KLRC3: variants seen among roughly 807,000 people sequenced by gnomAD.
KLRC3 encodes NKG2-E type II integral membrane protein.
In KLRC3, 16 loss-of-function variants were observed where a neutral mutation model predicts 23.6. The ratio of observed to expected loss-of-function variants is 0.68; its 90% CI spans 0.46 to 1.03. The LOEUF is 1.03. Among genes scored for constraint, KLRC3 ranks in the 50% least tolerant of loss-of-function variants. The pLI is 0.00. For missense variants in KLRC3, 209 were observed against 232.2 expected (o/e 0.90, Z 0.65); for synonymous variants, 70 against 71.8 (o/e 0.98, Z 0.13).
In KLRC3 at chr12:10,419,026, T is replaced by C. The variant is rs1863684559; in HGVS notation, c.331+18A>G. On this transcript the variant is annotated intron_variant, in intron 3 of 6. Transcript: ENST00000396439. ...TATAAATTGTACTAATATCAGAGCA[T>C]TGAAAATAAAAATGTACCTTTCTGG... 3 of 253,114 alleles carry C rather than the reference T, an allele frequency of 1.2e-5. No homozygotes were observed. The highest frequency in any genetic ancestry group is 1.0e-4 in the South Asian group (3 of 29,440). 15.7% of individuals were successfully genotyped at this position (253,114 alleles called of 1,614,324 possible). A position where few individuals can be genotyped will look rare whatever the true frequency, so the allele number is the denominator to read the frequency against.
chr12:10,418,100 T>C (rs1475569118), intron 4 of KLRC3, among the ~76,000 whole-genome samples: 3 of 152,244 alleles, frequency 2.0e-5, no homozygotes, highest in Non-Finnish European at 2.9e-5. Context: ...AATTAAATAG[T>C]AAAATTTATT....
Position 10,412,511 on chromosome 12 carries a change from C to T in KLRC3, c.*61G>A, listed in dbSNP as rs1041571876. ...TAAATGGTACATGAGCACTCAGGGGCGGTGGCTTGTGTCAGTAATCCCAGC... is the reference window on the plus strand; with the variant it reads ...TAAATGGTACATGAGCACTCAGGGGTGGTGGCTTGTGTCAGTAATCCCAGC... On this transcript the variant is annotated 3_prime_UTR_variant, in exon 7 of 7. Transcript: ENST00000396439. 2.1e-5 allele frequency: 15 copies of T among 701,306 alleles called. No homozygotes were observed. The highest frequency in any genetic ancestry group is 3.5e-5 in the African/African-American group (2 of 57,030). 43.4% of individuals were successfully genotyped at this position (701,306 alleles called of 1,614,324 possible).
chr12:10,417,995 A>G (rs1485962233), intron 4 of KLRC3, among the ~76,000 whole-genome samples: 3 of 152,224 alleles, frequency 2.0e-5, no homozygotes, highest in Non-Finnish European at 4.4e-5. Context: ...TGGAACTGCT[A>G]GAGCTGGAAA....
chr12:10,415,274 C>T (rs942459973), intron 6 of KLRC3, among the ~76,000 whole-genome samples: 1 of 152,170 alleles, frequency 6.6e-6, no homozygotes, highest in African/African-American at 2.4e-5. Context: ...TTACAACCAT[C>T]ACTGCTACTG....
At chr12:10,417,646 C>T (rs1257572424) in intron 4 of KLRC3, among the ~76,000 whole-genome samples, 1 of 80,084 alleles carries the variant, frequency 1.2e-5, no homozygotes, top group Non-Finnish European at 2.7e-5. Flanking sequence ...TGAGGAGGAT[C>T]AGGAAAGGGA....
In KLRC3 at chr12:10,412,515, G is replaced by T; in HGVS notation, c.*57C>A. On this transcript the variant is annotated 3_prime_UTR_variant, in exon 7 of 7. Coordinates refer to ENST00000396439, the MANE Select transcript of KLRC3 (RefSeq NM_002261.3). The stretch of plus-strand genomic sequence containing the variant: ...TGGTACATGAGCACTCAGGGGCGGT[G>T]GCTTGTGTCAGTAATCCCAGCAACT... The T allele has an allele frequency of 1.4e-6, 1 of 701,980 alleles. No individual in the cohort carries two copies. The highest frequency in any genetic ancestry group is 2.6e-6 in the Non-Finnish European group (1 of 384,768). The allele number at this position is 701,980 out of a possible 1,614,324, so 43.5% of individuals were successfully genotyped here.
intron 6 of KLRC3, among the ~76,000 whole-genome samples, chr12:10,414,367 T>C (rs539965438): frequency 1.3e-5 from 2 of 152,138 alleles, no homozygotes; most frequent in Admixed American, 6.5e-5. Flanking sequence ...AAAGATATGA[T>C]GAAAAAAACA....
At position 10,412,421 on chromosome 12, in the gene KLRC3, AT is replaced by A. The variant is rs1863588581; in HGVS notation, c.*150del. On this transcript the variant is annotated 3_prime_UTR_variant, in exon 7 of 7. Coordinates refer to ENST00000396439, the MANE Select transcript of KLRC3 (RefSeq NM_002261.3). ...CAAACTATATAGAGAGGGAAAAGTA[AT>A]TTTTAAAACATCATCTAGTTAAAAA... 1 of 637,950 alleles carries A rather than the reference AT, an allele frequency of 1.6e-6. No homozygotes were observed. The highest frequency in any genetic ancestry group is 1.8e-5 in the African/African-American group (1 of 54,076). The allele number at this position is 637,950 out of a possible 1,614,324, so 39.5% of individuals were successfully genotyped here.
Position 10,416,536 on chromosome 12 carries a change from T to C in KLRC3, c.587+131A>G, listed in dbSNP as rs576507041. ...TGGACTACTATGGTCTATTGTAAAATATTTGTATCAACATTTCACTAACTT... is the reference window on the plus strand; with the variant it reads ...TGGACTACTATGGTCTATTGTAAAACATTTGTATCAACATTTCACTAACTT... On this transcript the variant is annotated intron_variant, in intron 5 of 6. Transcript: ENST00000396439. The C allele has an allele frequency of 6.9e-6, 8 of 1,165,334 alleles. No individual in the cohort carries two copies. In the East Asian group the frequency reaches 2.1e-4, roughly 30 times the overall value. The allele number at this position is 1,165,334 out of a possible 1,614,324, so 72.2% of individuals were successfully genotyped here.
chr12:10,413,034 C>T (rs1018747199), intron 6 of KLRC3, among the ~76,000 whole-genome samples: 3 of 152,112 alleles, frequency 2.0e-5, no homozygotes, highest in African/African-American at 7.2e-5. Context: ...CAATGTAGTA[C>T]CGCTAGCCAA....
At position 10,420,357 on chromosome 12, in the gene KLRC3, GT is replaced by G. The variant is rs1863703461; in HGVS notation, c.187+6del. On this transcript the variant is annotated splice_donor_region_variant and intron_variant, in intron 1 of 6. Transcript: ENST00000396439. ...CAATAACATTGAAGATATATTTAAT[GT>G]TTTACCTTGGCAGTCATATATTTTA... is the stretch of plus-strand genomic sequence containing the variant. 2 of 1,611,336 alleles carry G rather than the reference GT, an allele frequency of 1.2e-6. No individual in the cohort carries two copies. Among genetic ancestry groups the G allele is most frequent in the Non-Finnish European group, 1.7e-6 (2 of 1,177,768 alleles).
At chr12:10,417,992 G>A (rs575931593) in intron 4 of KLRC3, among the ~76,000 whole-genome samples, 28 of 152,152 alleles carry the variant, frequency 1.8e-4, no homozygotes, top group African/African-American at 6.8e-4. Context: ...GGGTGGAACT[G>A]CTAGAGCTGG....
chr12:10,417,828 A>G (rs1282451001), intron 4 of KLRC3, among the ~76,000 whole-genome samples: 2 of 152,236 alleles, frequency 1.3e-5, no homozygotes. Context: ...GAATTCCACA[A>G]ATATCAGATA....
chr12:10,418,763 A>G, intron 3 of KLRC3, among the ~76,000 whole-genome samples: 1 of 152,162 alleles, frequency 6.6e-6, no homozygotes, highest in East Asian at 1.9e-4. Context: ...CCTCACTGAT[A>G]CACAACTGCT....
intron 4 of KLRC3, among the ~76,000 whole-genome samples, chr12:10,417,563 G>T (rs1863663091): frequency 6.6e-6 from 1 of 152,142 alleles, no homozygotes; most frequent in Admixed American, 6.5e-5. Context: ...GATCTACCAG[G>T]AGACCTGCCA....
chr12:10,416,408 T>A (rs148460598), intron 5 of KLRC3, among the ~76,000 whole-genome samples: 4,257 of 152,302 alleles, frequency 0.028, 166 homozygotes, highest in African/African-American at 0.095. Flanking sequence ...GGCCCAAGAC[T>A]CTTCTTCTTC....
At chr12:10,418,048 T>C (rs973162586) in intron 4 of KLRC3, among the ~76,000 whole-genome samples, 9 of 152,126 alleles carry the variant, frequency 5.9e-5, no homozygotes, top group Admixed American at 2.0e-4. Context: ...ATCATTCACT[T>C]TGTGATCAAT....
At chr12:10,415,193 C>A (rs533377290) in intron 6 of KLRC3, among the ~76,000 whole-genome samples, 1 of 152,122 alleles carries the variant, frequency 6.6e-6, no homozygotes, top group African/African-American at 2.4e-5. Context: ...CATTGAGGTA[C>A]GGTGCACATA....
intron 5 of KLRC3, 102 bp downstream of exon 5, chr12:10,416,565 A>G (rs1863646867): frequency 7.3e-7 from 1 of 1,361,872 alleles, no homozygotes. Context: ...CTAACTTTCC[A>G]CATCTTTCTT....
Sources: gnomAD v4.1 joint callset for allele counts (sites outside exome capture counted in the v4.1 genomes callset) on GRCh38, gnomAD v4.1.1 for gene constraint, MANE v1.5 for transcripts, NCBI Gene and HGNC (gene_info 2026-07-23, HGNC 2026-07-21) for gene names.